Variants in TMX2 observed in about 807,000 individuals in gnomAD.
TMX2 encodes the protein thioredoxin related transmembrane protein 2.
Under a neutral mutation model 33.4 loss-of-function variants are expected in TMX2, and 20 were observed. That is an observed-to-expected ratio of 0.60 (90% CI 0.42 to 0.87). TMX2 has a LOEUF of 0.87. Ranked by LOEUF, TMX2 falls within the 40% of genes least tolerant of loss-of-function variation. The pLI is 0.00. For missense variants in TMX2, 340 were observed against 370.7 expected, an observed-to-expected ratio of 0.92 and a Z score of 0.68; for synonymous variants, 166 against 140.7, an observed-to-expected ratio of 1.18 and a Z score of -1.27.
At chr11:57,727,453 T>G (rs1289972521) in intron 1 of TMX2, among the ~76,000 whole-genome samples, 1 of 152,188 alleles carries the variant, frequency 6.6e-6, no homozygotes, top group Non-Finnish European at 1.5e-5. Context: ...GACTGAGGAC[T>G]AAGCTATGAT....
intron 1 of TMX2, among the ~76,000 whole-genome samples, chr11:57,720,206 A>G (rs1044298324): frequency 2.6e-5 from 4 of 151,856 alleles, no homozygotes; most frequent in Non-Finnish European, 5.9e-5. Flanking sequence ...TAGAGCCCCA[A>G]AAGTCACTAA....
intron 7 of TMX2, among the ~76,000 whole-genome samples, chr11:57,739,848 G>C (rs896842464): frequency 4.6e-5 from 7 of 152,168 alleles, no homozygotes; most frequent in African/African-American, 1.7e-4. Context: ...ATAACCCCTG[G>C]CTTACAGGGT....
rs199522637 is a variant in TMX2, at chr11:57,738,023, A to G, written c.361A>G (p.Ile121Val). The change falls in exon 3 of 8, where the codon ATA becomes GTA. Residue 121 changes from isoleucine to valine, a missense_variant. By Grantham distance (29) the Ile-to-Val change is conservative (BLOSUM62 3). Around this residue, in one of 3 missense-constraint regions of TMX2, gnomAD observed 209 missense variants for 241.6 expected, o/e 0.87. Coordinates refer to ENST00000278422, the MANE Select transcript of TMX2 (RefSeq NM_015959.4). Reference sequence around the variant, plus strand: ...GGGCCTACTTTACATCACACTCTGCATAGGTGAGGAGACTGCCTTTCTTTC... The same window carrying G: ...GGGCCTACTTTACATCACACTCTGCGTAGGTGAGGAGACTGCCTTTCTTTC... ...RMGLLYITLC[I>V]VFLMTCKPPL... The G allele has an allele frequency of 7.4e-5, 118 of 1,600,566 alleles. No homozygotes were observed. The East Asian group carries it at 2.4e-3, about 33-fold the overall frequency.
intron 1 of TMX2, among the ~76,000 whole-genome samples, chr11:57,731,266 T>C (rs1180738294): frequency 1.3e-5 from 2 of 150,664 alleles, no homozygotes; most frequent in African/African-American, 2.4e-5. Flanking sequence ...CCCGAGTAGC[T>C]GGGATTACAA....
chr11:57,712,645 T>G lies in TMX2; in HGVS notation c.27T>G (p.Ala9=). 1 of 1,614,066 alleles carries G rather than the reference T, an allele frequency of 6.2e-7. No individual in the cohort carries two copies. The highest frequency in any genetic ancestry group is 8.5e-7 in the Non-Finnish European group (1 of 1,179,994). ...TGGCGGTCTTGGCACCTCTAATTGCTCTCGTGTATTCGGTGCCGCGACTTT... is the reference window on the plus strand; with the variant it reads ...TGGCGGTCTTGGCACCTCTAATTGCGCTCGTGTATTCGGTGCCGCGACTTT... MAVLAPLI[A]LVYSVPRLSR... Residue 9 remains alanine, a synonymous_variant, in exon 1 of 8, where the codon GCT becomes GCG. Transcript: ENST00000278422.
chr11:57,720,645 G>A (rs1457754916), intron 1 of TMX2, among the ~76,000 whole-genome samples: 5 of 152,182 alleles, frequency 3.3e-5, no homozygotes, highest in South Asian at 2.1e-4. Context: ...CCATCCGCCC[G>A]CTTTGGCCTC....
In TMX2 at chr11:57,738,812, G is replaced by C. The variant is rs779242589; in HGVS notation, c.548+42G>C. 3 of 1,576,626 alleles carry C rather than the reference G, an allele frequency of 1.9e-6. No homozygotes were observed. In the African/African-American group the frequency reaches 4.0e-5, roughly 21 times the overall value. ...GAGGGATGGTGGAAATGGAGATGCT[G>C]TGCCTTCCCTCTCACTGTTTTTGGC... On this transcript the variant is annotated intron_variant, in intron 5 of 7. Transcript: ENST00000278422.
At position 57,738,335 on chromosome 11, in the gene TMX2, ATCT is replaced by A. The variant is rs775319883; in HGVS notation, c.365-14_365-12del. On this transcript the variant is annotated splice_polypyrimidine_tract_variant and intron_variant, in intron 3 of 7. Coordinates refer to ENST00000278422, the MANE Select transcript of TMX2 (RefSeq NM_015959.4). ...TAAGGCTTTTTATGTTTCCTTCGAC[ATCT>A]TCTTTCTGTATTTAGTGTTCCTGAT... 52 of 1,572,168 alleles carry A rather than the reference ATCT, an allele frequency of 3.3e-5. No individual in the cohort carries two copies. The highest frequency in any genetic ancestry group is 2.0e-4 in the East Asian group (9 of 44,700).
chr11:57,719,252 G>A (rs974348940), intron 1 of TMX2, among the ~76,000 whole-genome samples: 6 of 149,014 alleles, frequency 4.0e-5, no homozygotes, highest in African/African-American at 1.5e-4. Context: ...GGCCAGGATG[G>A]TCTCGATCTC....
At chr11:57,730,043 G>T (rs1948260438) in intron 1 of TMX2, among the ~76,000 whole-genome samples, 1 of 151,640 alleles carries the variant, frequency 6.6e-6, no homozygotes, top group Non-Finnish European at 1.5e-5. Flanking sequence ...GATGGAGGTT[G>T]TGGTGAGCCA....
chr11:57,723,917 C>CAAAACAA (rs1374515469), intron 1 of TMX2, among the ~76,000 whole-genome samples: 1 of 147,974 alleles, frequency 6.8e-6, no homozygotes, highest in Non-Finnish European at 1.5e-5. Context: ...GAAAACAAAA[C>CAAAACAA]AAGCCAGGGC....
intron 1 of TMX2, among the ~76,000 whole-genome samples, chr11:57,714,466 C>G (rs1946846034): frequency 6.6e-6 from 1 of 152,102 alleles, no homozygotes; most frequent in Non-Finnish European, 1.5e-5. Flanking sequence ...TAATAGCAAT[C>G]TATTTTCCTA....
chr11:57,718,007 G>A (rs1947297552), intron 1 of TMX2: 1 of 815,510 alleles, frequency 1.2e-6, no homozygotes, highest in Non-Finnish European at 2.1e-6. Context: ...AGAAGGAATG[G>A]TCTGGTGGTG....
intron 1 of TMX2, among the ~76,000 whole-genome samples, chr11:57,731,637 T>C (rs1470450117): frequency 2.0e-5 from 3 of 152,096 alleles, no homozygotes; most frequent in Non-Finnish European, 4.4e-5. Context: ...AGAGTTTGAC[T>C]CTTTTCGTCA....
At chr11:57,717,510 G>T (rs1396873033) in intron 1 of TMX2, among the ~76,000 whole-genome samples, 1 of 152,128 alleles carries the variant, frequency 6.6e-6, no homozygotes, top group East Asian at 1.9e-4. Context: ...AGACCAGCCC[G>T]GCCAACACAG....
chr11:57,713,606 G>A (rs1323828240), intron 1 of TMX2, among the ~76,000 whole-genome samples: 2 of 152,134 alleles, frequency 1.3e-5, no homozygotes, highest in African/African-American at 2.4e-5. Flanking sequence ...CTGAGGGTTT[G>A]TTGAAAAATC....
intron 3 of TMX2, 44 bp downstream of exon 3, chr11:57,738,070 G>C: frequency 6.9e-7 from 1 of 1,447,630 alleles, no homozygotes. Flanking sequence ...TTGTAAGACT[G>C]TGTTGATAGA....
At chr11:57,724,062 C>CT (rs1240216578) in intron 1 of TMX2, among the ~76,000 whole-genome samples, 1 of 151,610 alleles carries the variant, frequency 6.6e-6, no homozygotes, top group Non-Finnish European at 1.5e-5. Context: ...CATTCAGCTT[C>CT]TTTTTTTAAA....
rs547557308 is a variant in TMX2 at position 57,738,379 on chromosome 11, C to G, written c.390C>G (p.Pro130=). 16 of 1,611,766 alleles carry G rather than the reference C, an allele frequency of 9.9e-6. No individual in the cohort carries two copies. In the Middle Eastern group the frequency reaches 4.9e-4, roughly 50 times the overall value. Reference sequence around the variant, plus strand: ...TGTTCCTGATGACGTGCAAACCCCCCCTATATATGGGCCCTGAGTATATCA... The same window carrying G: ...TGTTCCTGATGACGTGCAAACCCCCGCTATATATGGGCCCTGAGTATATCA... ...CIVFLMTCKP[P]LYMGPEYIKY... is the part of the protein sequence containing the mutation. The change falls in exon 4 of 8, where the codon CCC becomes CCG. Residue 130 remains proline (P), a synonymous_variant. Coordinates refer to ENST00000278422, the MANE Select transcript of TMX2 (RefSeq NM_015959.4).
Sources: allele counts gnomAD v4.1 joint callset (sites outside exome capture counted in the v4.1 genomes callset), GRCh38; gene constraint gnomAD v4.1.1; regional missense constraint gnomAD v4.1.1; transcripts MANE v1.5; gene names NCBI Gene and HGNC (gene_info 2026-07-23, HGNC 2026-07-21).